The following TRIM2 variants were observed in gnomAD, a reference collection of about 807,000 sequenced individuals.
TRIM2 encodes the protein tripartite motif-containing protein 2.
TRIM2 carries 20 observed loss-of-function variants against 75.2 expected under a neutral mutation model. The ratio of observed to expected loss-of-function variants is 0.27; its 90% CI spans 0.19 to 0.39. TRIM2 has a LOEUF of 0.39. Among genes scored for constraint, TRIM2 ranks in the 10% least tolerant of loss-of-function variants. TRIM2 has a pLI of 1.00. For missense variants in TRIM2, 660 were observed against 990.8 expected (o/e 0.67, Z 4.48); for synonymous variants, 373 against 388.3 (o/e 0.96, Z 0.46).
intron 1 of TRIM2, among the ~76,000 whole-genome samples, chr4:153,218,049 T>C (rs541771888): frequency 6.6e-6 from 1 of 152,374 alleles, no homozygotes; most frequent in East Asian, 1.9e-4. Flanking sequence ...ATTTCATGCA[T>C]TGCTAATGAG....
At chr4:153,251,711 G>C (rs1344842372) in intron 1 of TRIM2, among the ~76,000 whole-genome samples, 1 of 152,082 alleles carries the variant, frequency 6.6e-6, no homozygotes, top group East Asian at 1.9e-4. Flanking sequence ...AGGTGCAGTG[G>C]CTCATGCCTG....
intron 1 of TRIM2, among the ~76,000 whole-genome samples, chr4:153,207,248 A>G (rs1004449133): frequency 6.6e-6 from 1 of 152,156 alleles, no homozygotes; most frequent in African/African-American, 2.4e-5. Context: ...GCTAAATTCC[A>G]GGAAGGGCCA....
At chr4:153,194,100 A>G (rs867895919) in intron 1 of TRIM2, among the ~76,000 whole-genome samples, 73 of 152,282 alleles carry the variant, frequency 4.8e-4, no homozygotes, top group Middle Eastern at 3.4e-3. Flanking sequence ...ACGCAAAACA[A>G]GGGTTGGGGA....
chr4:153,274,822 A>G (rs1442318471), intron 2 of TRIM2, among the ~76,000 whole-genome samples: 3 of 152,236 alleles, frequency 2.0e-5, no homozygotes, highest in African/African-American at 7.2e-5. Context: ...GTAAGATAAA[A>G]TTGAAAAACA....
chr4:153,165,127 A>G (rs1015673431), intron 1 of TRIM2, among the ~76,000 whole-genome samples: 1 of 151,984 alleles, frequency 6.6e-6, no homozygotes, highest in Non-Finnish European at 1.5e-5. Flanking sequence ...TCCCACCCCA[A>G]TTTGGACTGG....
upstream of TRIM2, chr4:153,204,434 C>A (rs528236209): frequency 2.9e-5 from 42 of 1,443,562 alleles, no homozygotes; most frequent in East Asian, 1.0e-3. Context: ...AAGGGCCACC[C>A]TTTAACTCGG....
intron 3 of TRIM2, among the ~76,000 whole-genome samples, chr4:153,278,341 TG>T (rs750949916): frequency 2.4e-4 from 37 of 151,304 alleles, no homozygotes; most frequent in Middle Eastern, 3.4e-3. Flanking sequence ...CTCAAACTCC[TG>T]GTCCCAAGTG....
chr4:153,181,088 A>G (rs1010890816), intron 1 of TRIM2, among the ~76,000 whole-genome samples: 2 of 152,222 alleles, frequency 1.3e-5, no homozygotes, highest in African/African-American at 4.8e-5. Flanking sequence ...AATAATAATG[A>G]TAAAAAGAGA....
Position 153,312,599 on chromosome 4 carries a change from A to G in TRIM2, c.1511-2886A>G, listed in dbSNP as rs547873036. On this transcript the variant is annotated intron_variant, in intron 6 of 11. Coordinates refer to ENST00000338700, the MANE Select transcript of TRIM2 (RefSeq NM_015271.5). The stretch of plus-strand genomic sequence containing the variant: ...TGTGGAGAAATAGGAATACTTTTAC[A>G]CTGTTGGTGGGACTGTAAACTAGTT... Among the ~76,000 whole-genome samples the G allele has an allele frequency of 1.1e-4, 17 of 152,210 alleles. No homozygotes were observed. The East Asian group carries it at 3.3e-3, about 29-fold the overall frequency.
Position 153,248,061 on chromosome 4 carries a change from T to TCTCTG in TRIM2, c.31-22270_31-22266dup, listed in dbSNP as rs1038303704. Among the ~76,000 whole-genome samples the TCTCTG allele has an allele frequency of 6.7e-6, 1 of 149,158 alleles. No individual in the cohort carries two copies. The highest frequency in any genetic ancestry group is 2.5e-5 in the African/African-American group (1 of 39,850). ...CCCAGGCTGGAGTGCGGTGACACAGTCTCTGCTCACTGGCGCGTCCGCCTC... is the reference window on the plus strand; with the variant it reads ...CCCAGGCTGGAGTGCGGTGACACAGTCTCTGCTCTGCTCACTGGCGCGTCCGCCTC... On this transcript the variant is annotated intron_variant, in intron 1 of 11. Coordinates refer to ENST00000338700, the MANE Select transcript of TRIM2 (RefSeq NM_015271.5). The surrounding 1 kb of genome is among the most constrained non-coding windows in gnomAD (Gnocchi z 4.0).
At chr4:153,291,042 C>CAA (rs946316843) in intron 3 of TRIM2, among the ~76,000 whole-genome samples, 1 of 143,422 alleles carries the variant, frequency 7.0e-6, no homozygotes, top group Non-Finnish European at 1.5e-5. Context: ...CCTTATATGA[C>CAA]AAAAAAAAAA....
intron 1 of TRIM2, among the ~76,000 whole-genome samples, chr4:153,223,410 T>G (rs916428290): frequency 1.3e-5 from 2 of 152,234 alleles, no homozygotes; most frequent in African/African-American, 2.4e-5. Context: ...CGGCTTCCTC[T>G]TTTTCTTTAA....
chr4:153,272,793 G>A (rs1345956215), intron 2 of TRIM2, among the ~76,000 whole-genome samples: 1 of 152,152 alleles, frequency 6.6e-6, no homozygotes, highest in Non-Finnish European at 1.5e-5. Flanking sequence ...GTTTGAAGGT[G>A]TTGAAGGTGC....
intron 1 of TRIM2, among the ~76,000 whole-genome samples, chr4:153,196,551 G>A (rs150746024): frequency 1.9e-3 from 294 of 152,314 alleles, no homozygotes; most frequent in African/African-American, 6.5e-3. Flanking sequence ...TCCATACATG[G>A]AAATGCTTTA....
At chr4:153,175,936 T>C (rs1297908105) in intron 1 of TRIM2, among the ~76,000 whole-genome samples, 2 of 151,920 alleles carry the variant, frequency 1.3e-5, no homozygotes, top group Non-Finnish European at 2.9e-5. Flanking sequence ...GTCTCATACT[T>C]AGGAGGCTGA....
At chr4:153,165,023 T>A (rs1372659519) in intron 1 of TRIM2, among the ~76,000 whole-genome samples, 2 of 152,198 alleles carry the variant, frequency 1.3e-5, no homozygotes, top group Non-Finnish European at 2.9e-5. Flanking sequence ...TATGTCACGA[T>A]TATTAAAGTT....
intron 1 of TRIM2, among the ~76,000 whole-genome samples, chr4:153,225,826 C>T (rs574368926): frequency 6.6e-6 from 1 of 152,238 alleles, no homozygotes; most frequent in Admixed American, 6.5e-5. Context: ...ATAGTTATTT[C>T]CTATGTAACG....
intron 6 of TRIM2, among the ~76,000 whole-genome samples, chr4:153,314,530 T>G (rs1460359348): frequency 6.6e-6 from 1 of 151,656 alleles, no homozygotes; most frequent in Non-Finnish European, 1.5e-5. Flanking sequence ...GGAGCATCGC[T>G]TAGGCCCAGG....
chr4:153,206,945 A>T (rs1000278789), intron 1 of TRIM2, among the ~76,000 whole-genome samples: 7 of 151,988 alleles, frequency 4.6e-5, no homozygotes, highest in African/African-American at 1.7e-4. Context: ...CAGTGGCATG[A>T]TCATGGCTCA....
Sources: gnomAD v4.1 joint callset for allele counts (sites outside exome capture counted in the v4.1 genomes callset) on GRCh38, gnomAD v4.1.1 for gene constraint, Gnocchi (gnomAD v3.1) non-coding constraint, MANE v1.5 for transcripts, NCBI Gene and HGNC (gene_info 2026-07-23, HGNC 2026-07-21) for gene names.